Variants in CSGALNACT1 observed in about 807,000 individuals in gnomAD.
The protein encoded by CSGALNACT1 is beta4GalNAcT-1.
In CSGALNACT1, 52 loss-of-function variants were observed where a neutral mutation model predicts 51.0. That is an observed-to-expected ratio of 1.02 (90% CI 0.82 to 1.29). The LOEUF is 1.29. Among genes scored for constraint, CSGALNACT1 ranks in the 50% most tolerant of loss-of-function variants. CSGALNACT1 has a pLI of 0.00. For synonymous variants in CSGALNACT1, 341 were observed against 254.4 expected, an observed-to-expected ratio of 1.34 and a Z score of -3.24; for missense variants, 935 against 679.2, an observed-to-expected ratio of 1.38 and a Z score of -4.19.
intron 6 of CSGALNACT1, among the ~76,000 whole-genome samples, chr8:19,434,462 T>C (rs913667768): frequency 6.6e-6 from 1 of 152,184 alleles, no homozygotes; most frequent in African/African-American, 2.4e-5. Context: ...TCATGACAAC[T>C]TCACCCTTGA....
intron 3 of CSGALNACT1, among the ~76,000 whole-genome samples, chr8:19,541,246 AT>A (rs34749639): frequency 0.18 from 19,573 of 111,122 alleles, 1,150 homozygotes; most frequent in African/African-American, 0.2. Context: ...AACTTGGCTA[AT>A]TTTTTTTTTT....
At chr8:19,756,313 T>C (rs1337098195) in intron 1 of CSGALNACT1, among the ~76,000 whole-genome samples, 2 of 152,212 alleles carry the variant, frequency 1.3e-5, no homozygotes, top group Non-Finnish European at 2.9e-5. Flanking sequence ...ACCAAGGCTT[T>C]GAAACCAGAA....
chr8:19,484,774 G>A (rs7003470), intron 4 of CSGALNACT1, among the ~76,000 whole-genome samples: 23,964 of 152,148 alleles, frequency 0.16, 2,074 homozygotes, highest in Middle Eastern at 0.22. Context: ...GGGCTTTTAA[G>A]TAAGTTATTA....
chr8:19,508,295 T>C (rs2077765923), intron 3 of CSGALNACT1, among the ~76,000 whole-genome samples: 1 of 152,216 alleles, frequency 6.6e-6, no homozygotes, highest in Non-Finnish European at 1.5e-5. Context: ...ACCCAGGAGA[T>C]GTGCCTTTTA....
intron 1 of CSGALNACT1, among the ~76,000 whole-genome samples, chr8:19,634,367 A>G (rs1313243201): frequency 6.6e-6 from 1 of 152,134 alleles, no homozygotes; most frequent in Non-Finnish European, 1.5e-5. Flanking sequence ...CGCCCTTACA[A>G]GAAGAAATAC....
upstream of CSGALNACT1, chr8:19,683,075 T>C (rs970436777): frequency 1.7e-5 from 4 of 233,848 alleles, no homozygotes; most frequent in South Asian, 1.2e-4. Flanking sequence ...CGGGAACAGA[T>C]AGGCAACTGT....
chr8:19,629,056 C>T (rs1345033656), intron 1 of CSGALNACT1, among the ~76,000 whole-genome samples: 1 of 152,132 alleles, frequency 6.6e-6, no homozygotes, highest in Non-Finnish European at 1.5e-5. Flanking sequence ...GAATATTAAA[C>T]AGCTCTTATT....
chr8:19,514,475 CTATATATATATATATATATATATATATA>C (rs33928915), intron 3 of CSGALNACT1, among the ~76,000 whole-genome samples: 1 of 78,818 alleles, frequency 1.3e-5, no homozygotes, highest in South Asian at 4.9e-4. Flanking sequence ...TGAACAGAGA[CTATATATATATATATATATATATATATA>C]TATATATACA....
intron 1 of CSGALNACT1, among the ~76,000 whole-genome samples, chr8:19,724,946 G>A: frequency 6.6e-6 from 1 of 152,202 alleles, no homozygotes; most frequent in Non-Finnish European, 1.5e-5. Flanking sequence ...TAAGCAGAGA[G>A]CTGCGCCCTC....
chr8:19,541,461 C>T (rs947106815), intron 3 of CSGALNACT1, among the ~76,000 whole-genome samples: 1 of 150,610 alleles, frequency 6.6e-6, no homozygotes, highest in Admixed American at 6.6e-5. Flanking sequence ...ACTATGTTAG[C>T]CAGGATGGTC....
intron 1 of CSGALNACT1, among the ~76,000 whole-genome samples, chr8:19,612,136 A>C (rs1395478314): frequency 6.6e-6 from 1 of 152,104 alleles, no homozygotes; most frequent in Admixed American, 6.5e-5. Flanking sequence ...TGAGGCCAGG[A>C]GCTCGAGACC....
intron 1 of CSGALNACT1, among the ~76,000 whole-genome samples, chr8:19,648,292 C>G (rs1330711773): frequency 6.6e-6 from 1 of 152,134 alleles, no homozygotes; most frequent in Non-Finnish European, 1.5e-5. Context: ...CTGAACAAAA[C>G]TGCATTTTAA....
At chr8:19,622,544 A>G (rs1224982799) in intron 1 of CSGALNACT1, among the ~76,000 whole-genome samples, 1 of 152,228 alleles carries the variant, frequency 6.6e-6, no homozygotes, top group Non-Finnish European at 1.5e-5. Context: ...ACTACATTTT[A>G]CTGTTACCTA....
intron 1 of CSGALNACT1, among the ~76,000 whole-genome samples, chr8:19,636,798 C>T (rs2056125426): frequency 6.6e-6 from 1 of 152,126 alleles, no homozygotes; most frequent in Non-Finnish European, 1.5e-5. Context: ...TATGTAATAC[C>T]ATTTCAATGT....
chr8:19,617,230 C>T lies in CSGALNACT1; in HGVS notation c.-543-15365G>A, dbSNP rs565204496. On this transcript the variant is annotated intron_variant, in intron 1 of 9. Transcript: ENST00000332246. ...TATCTGACAGGAGGCAGAGCTTAAG[C>T]AGTGATGCAAGTGATGGGGAGCGGC... Among the ~76,000 whole-genome samples the T allele has an allele frequency of 9.9e-5, 15 of 152,248 alleles. No individual in the cohort carries two copies. In the Middle Eastern group the frequency reaches 0.01, roughly 104 times the overall value.
intron 2 of CSGALNACT1, among the ~76,000 whole-genome samples, chr8:19,600,230 C>T (rs2050110655): frequency 6.6e-6 from 1 of 152,122 alleles, no homozygotes; most frequent in South Asian, 2.1e-4. Context: ...TACAGGTATG[C>T]ACCACCATGC....
At chr8:19,484,266 A>G (rs1339797273) in intron 4 of CSGALNACT1, among the ~76,000 whole-genome samples, 1 of 147,538 alleles carries the variant, frequency 6.8e-6, no homozygotes, top group South Asian at 2.1e-4. Flanking sequence ...TCTCCACCGA[A>G]TAAGAAAAAA....
chr8:19,723,633 A>G, intron 1 of CSGALNACT1, among the ~76,000 whole-genome samples: 1 of 152,244 alleles, frequency 6.6e-6, no homozygotes, highest in Non-Finnish European at 1.5e-5. Flanking sequence ...TTTCTGGTAC[A>G]AGGACACAGA....
intron 3 of CSGALNACT1, among the ~76,000 whole-genome samples, chr8:19,523,082 T>G (rs996291077): frequency 6.6e-6 from 1 of 152,114 alleles, no homozygotes; most frequent in Non-Finnish European, 1.5e-5. Flanking sequence ...TTACCACCAC[T>G]GCATTGCAAA....
Sources: gnomAD v4.1 joint callset for allele counts (sites outside exome capture counted in the v4.1 genomes callset) on GRCh38, gnomAD v4.1.1 for gene constraint, MANE v1.5 for transcripts, NCBI Gene and HGNC (gene_info 2026-07-23, HGNC 2026-07-21) for gene names.